The following DIAPH2 variants were observed in gnomAD, a reference collection of about 807,000 sequenced individuals.
The protein encoded by DIAPH2 is diaphanous related formin 2, also known as protein diaphanous homolog 2.
A neutral mutation model predicts 92.7 loss-of-function variants in DIAPH2; 35 were observed. That is an observed-to-expected ratio of 0.38 (90% CI 0.29 to 0.50). The LOEUF (loss-of-function observed/expected upper bound fraction) is 0.50, where lower values mean the gene tolerates loss of function less well. Among genes scored for constraint, DIAPH2 ranks in the 20% least tolerant of loss-of-function variants. The pLI is 0.94. For missense variants in DIAPH2, 701 were observed against 819.5 expected (o/e 0.86, Z 1.77); for synonymous variants, 301 against 280.4 (o/e 1.07, Z -0.73).
intron 3 of DIAPH2, among the ~76,000 whole-genome samples, chrX:96,748,875 A>C (rs1178289133): frequency 9.0e-6 from 1 of 111,152 alleles, no homozygotes; most frequent in Admixed American, 9.7e-5. Flanking sequence ...ACCCAAAAAA[A>C]GACTGTTTCA....
At chrX:97,373,826 C>A (rs188876954) in intron 24 of DIAPH2, among the ~76,000 whole-genome samples, 1 of 109,089 alleles carries the variant, frequency 9.2e-6, no homozygotes, top group African/African-American at 3.3e-5. Context: ...GGTTTCAAAC[C>A]CCTGACCTCA....
chrX:97,463,531 T>G (rs1381854971), intron 26 of DIAPH2, among the ~76,000 whole-genome samples: 1 of 109,630 alleles, frequency 9.1e-6, no homozygotes, highest in African/African-American at 3.3e-5. Flanking sequence ...GCTGGGACTA[T>G]AGGCACACAC....
At chrX:97,095,664 G>A in intron 19 of DIAPH2, among the ~76,000 whole-genome samples, 1 of 110,761 alleles carries the variant, frequency 9.0e-6, no homozygotes. Context: ...GAAGGAAAGG[G>A]CATTATGGTT....
At chrX:97,345,067 G>C (rs774384123) in intron 23 of DIAPH2, among the ~76,000 whole-genome samples, 6 of 111,892 alleles carry the variant, frequency 5.4e-5, no homozygotes, top group Non-Finnish European at 1.1e-4. Flanking sequence ...TTTCTGCTAT[G>C]CTTAAATATG....
intron 4 of DIAPH2, among the ~76,000 whole-genome samples, chrX:96,829,461 A>AT (rs1491193626): frequency 1.1e-4 from 3 of 26,549 alleles, no homozygotes; most frequent in Admixed American, 5.7e-4. Context: ...ATATATATAT[A>AT]AAACAAGGCA....
chrX:97,598,943 C>A (rs910196750), intron 26 of DIAPH2, among the ~76,000 whole-genome samples: 4 of 112,215 alleles, frequency 3.6e-5, no homozygotes, highest in Admixed American at 9.4e-5. Flanking sequence ...AATTTAACAT[C>A]TTTACCAAAG....
At chrX:97,575,702 G>GTGA (rs1292913504) in intron 26 of DIAPH2, among the ~76,000 whole-genome samples, 1 of 111,901 alleles carries the variant, frequency 8.9e-6, no homozygotes, top group African/African-American at 3.3e-5. Flanking sequence ...TATTGAGAAG[G>GTGA]TGATTGAAGC....
In DIAPH2 at chrX:97,600,987, A is replaced by T. The variant is rs1340584092; in HGVS notation, c.*1670A>T. On this transcript the variant is annotated 3_prime_UTR_variant, in exon 27 of 27. Coordinates refer to ENST00000324765, the MANE Select transcript of DIAPH2 (RefSeq NM_006729.5). The stretch of plus-strand genomic sequence containing the variant: ...TACAATAGAAAAATCAAAAAGGGTA[A>T]CAGTATCTGAAATTTCACAGTCCTA... 2 of 112,230 alleles carry T rather than the reference A, an allele frequency of 1.8e-5. No individual in the cohort carries two copies. Among genetic ancestry groups the T allele is most frequent in the African/African-American group, 6.5e-5 (2 of 30,884 alleles). The allele number at this position is 112,230 out of a possible 1,213,427, so 9.2% of individuals were successfully genotyped here.
chrX:96,717,507 A>G (rs918362194), intron 1 of DIAPH2, among the ~76,000 whole-genome samples: 159 of 103,373 alleles, frequency 1.5e-3, no homozygotes, highest in African/African-American at 5.4e-3. Context: ...CTTTGTCATT[A>G]TGAAATGACC....
chrX:96,827,788 G>T (rs1330913407), intron 4 of DIAPH2, among the ~76,000 whole-genome samples: 1 of 112,302 alleles, frequency 8.9e-6, no homozygotes, highest in African/African-American at 3.2e-5. Context: ...AAACACCACT[G>T]TACACTTGTG....
At chrX:97,590,755 T>A (rs1038710053) in intron 26 of DIAPH2, among the ~76,000 whole-genome samples, 2 of 111,964 alleles carry the variant, frequency 1.8e-5, no homozygotes, top group Non-Finnish European at 3.8e-5. Flanking sequence ...GCTTTTCTAC[T>A]GTCACTCTTG....
chrX:97,142,888 T>C (rs766342659), intron 22 of DIAPH2, among the ~76,000 whole-genome samples: 6 of 111,570 alleles, frequency 5.4e-5, no homozygotes, highest in Non-Finnish European at 1.1e-4. Flanking sequence ...TTAGTTTCCT[T>C]TTAAGTTAAA....
chrX:97,177,319 T>G (rs2147459729), intron 22 of DIAPH2, among the ~76,000 whole-genome samples: 1 of 111,940 alleles, frequency 8.9e-6, no homozygotes, highest in African/African-American at 3.2e-5. Flanking sequence ...ATTTCAATAA[T>G]TAGTCAAATA....
chrX:97,275,901 C>T (rs1432563794), intron 23 of DIAPH2, among the ~76,000 whole-genome samples: 1 of 112,578 alleles, frequency 8.9e-6, no homozygotes, highest in Admixed American at 9.4e-5. Flanking sequence ...GCTGCAATCT[C>T]CGCACTTTGG....
rs1013147025 is a variant in DIAPH2 at position 97,044,846 on chromosome X, C to T, written c.2051-28095C>T. 3.6e-5 allele frequency among the ~76,000 whole-genome samples: 4 copies of T among 111,624 alleles called. No homozygotes were observed. The Admixed American group carries it at 3.8e-4, about 11-fold the overall frequency. On this transcript the variant is annotated intron_variant, in intron 17 of 26. Coordinates refer to ENST00000324765, the MANE Select transcript of DIAPH2 (RefSeq NM_006729.5). ...TCTATTAGTCACTGTCTTACATTGT[C>T]ATCTCACTCTCAGTCCCTTCCGATT...
chrX:96,876,752 G>T, intron 4 of DIAPH2, among the ~76,000 whole-genome samples: 1 of 105,447 alleles, frequency 9.5e-6, no homozygotes, highest in African/African-American at 3.5e-5. Context: ...ACACACCGGG[G>T]CCTGTTGTGG....
At chrX:97,591,984 T>G (rs143335000) in intron 26 of DIAPH2, among the ~76,000 whole-genome samples, 248 of 112,388 alleles carry the variant, frequency 2.2e-3, no homozygotes, top group African/African-American at 7.9e-3. Flanking sequence ...ATGTAATTTT[T>G]TCTTAACCAT....
chrX:97,254,722 A>AT (rs1422468031), intron 23 of DIAPH2, among the ~76,000 whole-genome samples: 3 of 107,199 alleles, frequency 2.8e-5, no homozygotes, highest in African/African-American at 1.0e-4. Flanking sequence ...ATTTTATTTT[A>AT]TTTATTTTAT....
chrX:96,788,558 A>G (rs1002272200), intron 4 of DIAPH2, among the ~76,000 whole-genome samples: 1 of 111,536 alleles, frequency 9.0e-6, no homozygotes, highest in Non-Finnish European at 1.9e-5. Context: ...TAACACCCCT[A>G]TTATTATTAG....
Sources: gnomAD v4.1 joint callset for allele counts (sites outside exome capture counted in the v4.1 genomes callset) on GRCh38, gnomAD v4.1.1 for gene constraint, MANE v1.5 for transcripts, NCBI Gene and HGNC (gene_info 2026-07-23, HGNC 2026-07-21) for gene names.